The following KLHL8 variants were observed in gnomAD, a reference collection of about 807,000 sequenced individuals.
KLHL8 encodes the protein kelch-like protein 8.
A neutral mutation model predicts 63.5 loss-of-function variants in KLHL8; 38 were observed. The ratio of observed to expected loss-of-function variants is 0.60; its 90% CI spans 0.46 to 0.78. The LOEUF is 0.78. Ranked by LOEUF, KLHL8 falls within the 30% of genes least tolerant of loss-of-function variation. The probability of loss-of-function intolerance (pLI) is 0.00; values close to 1 mark genes in which losing one functional copy is unlikely to be tolerated. For missense variants in KLHL8, 566 were observed against 752.4 expected, an observed-to-expected ratio of 0.75 and a Z score of 2.90; for synonymous variants, 224 against 254.3, an observed-to-expected ratio of 0.88 and a Z score of 1.13.
At chr4:87,164,661 T>C (rs1192395778) in intron 8 of KLHL8, among the ~76,000 whole-genome samples, 2 of 152,232 alleles carry the variant, frequency 1.3e-5, no homozygotes, top group African/African-American at 4.8e-5. Context: ...AGCAGTCCTT[T>C]CTATAGCTCA....
upstream of KLHL8, among the ~76,000 whole-genome samples, chr4:87,221,947 T>C (rs544554947): frequency 6.6e-6 from 1 of 152,300 alleles, no homozygotes; most frequent in African/African-American, 2.4e-5. Flanking sequence ...GTAAAAATTG[T>C]TGGGACTCAG....
intron 1 of KLHL8, chr4:87,206,984 G>T: frequency 3.3e-6 from 1 of 304,026 alleles, no homozygotes; most frequent in South Asian, 3.1e-5. Flanking sequence ...TATGGGTTGG[G>T]TTTTTTCCCC....
intron 1 of KLHL8, chr4:87,219,650 C>A (rs1403240186): frequency 6.6e-6 from 1 of 152,296 alleles, no homozygotes; most frequent in Non-Finnish European, 1.5e-5. Context: ...GTAGCCAAAT[C>A]GCTCTCTCTG....
At chr4:87,202,028 T>C (rs1167413589) in intron 1 of KLHL8, among the ~76,000 whole-genome samples, 1 of 151,242 alleles carries the variant, frequency 6.6e-6, no homozygotes, top group African/African-American at 2.4e-5. Flanking sequence ...AATGGTGGCA[T>C]GAAATCGGGA....
chr4:87,212,296 T>C (rs1023498583), intron 1 of KLHL8, among the ~76,000 whole-genome samples: 6 of 152,190 alleles, frequency 3.9e-5, no homozygotes, highest in Admixed American at 6.5e-5. Flanking sequence ...TACAACCTAG[T>C]AATTTTTTTT....
At chr4:87,200,138 C>CAAAAA (rs61605160) in intron 1 of KLHL8, among the ~76,000 whole-genome samples, 6 of 73,702 alleles carry the variant, frequency 8.1e-5, no homozygotes, top group Admixed American at 1.7e-4. Flanking sequence ...GAGACTGCCT[C>CAAAAA]AAAAAAAAAA....
At chr4:87,213,605 A>G (rs1257701227) in intron 1 of KLHL8, among the ~76,000 whole-genome samples, 1 of 152,174 alleles carries the variant, frequency 6.6e-6, no homozygotes, top group African/African-American at 2.4e-5. Context: ...TACTAGCTAC[A>G]TTACTGGGAA....
intron 8 of KLHL8, among the ~76,000 whole-genome samples, chr4:87,169,816 G>A (rs918334464): frequency 5.9e-5 from 9 of 151,566 alleles, no homozygotes; most frequent in Admixed American, 5.3e-4. Flanking sequence ...AGTGAGCTAC[G>A]ATTGTGCCAC....
chr4:87,191,979 A>G (rs1731512524), intron 2 of KLHL8, among the ~76,000 whole-genome samples: 1 of 152,166 alleles, frequency 6.6e-6, no homozygotes, highest in Non-Finnish European at 1.5e-5. Flanking sequence ...TCCACAGTGT[A>G]TATATAACAC....
In KLHL8 at chr4:87,227,437, C is replaced by T. The variant is rs545844840; in HGVS notation, n.58-6047G>A. 1.0e-3 allele frequency among the ~76,000 whole-genome samples: 153 copies of T among 152,040 alleles called. 1 individual carries two copies. The South Asian group carries it at 0.011, about 11-fold the overall frequency. ...CAAAGGAAGCTTGAGTCCAGGAGTT[C>T]GAGACCAGCCTGGAGAACACAGCAA... On this transcript the variant is annotated intron_variant and non_coding_transcript_variant, in intron 1 of 1. Transcript: ENST00000506274.
chr4:87,202,169 T>C (rs999132845), intron 1 of KLHL8, among the ~76,000 whole-genome samples: 2 of 148,484 alleles, frequency 1.3e-5, no homozygotes, highest in Non-Finnish European at 3.0e-5. Flanking sequence ...AACCAGAAAC[T>C]AGAAAAAGAA....
At chr4:87,170,674 T>C (rs1578361257) in intron 6 of KLHL8, 59 bp from the exon 7 acceptor site, 2 of 1,466,718 alleles carry the variant, frequency 1.4e-6, no homozygotes, top group Admixed American at 2.1e-5. Context: ...AAAAAAGTCA[T>C]ATAAAAAATT....
chr4:87,218,767 C>T (rs1250836922), intron 1 of KLHL8, among the ~76,000 whole-genome samples: 1 of 152,202 alleles, frequency 6.6e-6, no homozygotes, highest in Non-Finnish European at 1.5e-5. Context: ...TGGAGTCTCA[C>T]TCTGTCGCCC....
At chr4:87,179,769 C>T (rs1223562237) in intron 4 of KLHL8, among the ~76,000 whole-genome samples, 2 of 151,752 alleles carry the variant, frequency 1.3e-5, no homozygotes, top group African/African-American at 4.8e-5. Context: ...GGAGTGAGAC[C>T]CTGTCTCTAA....
chr4:87,207,451 C>G (rs543708585), intron 1 of KLHL8: 3 of 723,324 alleles, frequency 4.1e-6, no homozygotes, highest in Non-Finnish European at 7.6e-6. Context: ...CATCATCTCT[C>G]CCCACTTTGT....
chr4:87,194,758 A>C (rs544983727), intron 2 of KLHL8, among the ~76,000 whole-genome samples: 27 of 152,378 alleles, frequency 1.8e-4, no homozygotes, highest in African/African-American at 6.5e-4. Context: ...ATGATCCTAC[A>C]GATGATGAGC....
chr4:87,198,582 T>C (rs892296975), intron 1 of KLHL8, among the ~76,000 whole-genome samples: 1 of 152,246 alleles, frequency 6.6e-6, no homozygotes, highest in South Asian at 2.1e-4. Context: ...ATTCTATCTA[T>C]ATAACATTCT....
chr4:87,226,031 T>G (rs1252562555), intron 1 of KLHL8, among the ~76,000 whole-genome samples: 1 of 152,204 alleles, frequency 6.6e-6, no homozygotes, highest in Non-Finnish European at 1.5e-5. Context: ...GAGAGCAATT[T>G]GCCTCCATCC....
intron 1 of KLHL8, among the ~76,000 whole-genome samples, chr4:87,229,305 A>G (rs6847242): frequency 0.031 from 4,659 of 152,234 alleles, 241 homozygotes; most frequent in African/African-American, 0.11. Context: ...CACAGGACAG[A>G]TGACATGTGA....
Sources: allele counts gnomAD v4.1 joint callset (sites outside exome capture counted in the v4.1 genomes callset), GRCh38; gene constraint gnomAD v4.1.1; transcripts MANE v1.5; gene names NCBI Gene and HGNC (gene_info 2026-07-23, HGNC 2026-07-21).